Variants in TMCC1 observed in about 807,000 individuals in gnomAD.
The protein encoded by TMCC1 is transmembrane and coiled-coil domains protein 1.
Under a neutral mutation model 52.4 loss-of-function variants are expected in TMCC1, and 15 were observed. That is an observed-to-expected ratio of 0.29 (90% CI 0.19 to 0.44). The LOEUF (loss-of-function observed/expected upper bound fraction) is 0.44. Among genes scored for constraint, TMCC1 ranks in the 20% least tolerant of loss-of-function variants. The pLI is 1.00. For synonymous variants in TMCC1, 279 were observed against 301.9 expected (o/e 0.92, Z 0.79); for missense variants, 503 against 806.0 (o/e 0.62, Z 4.55).
At chr3:129,732,928 T>TC (rs773696456) in intron 4 of TMCC1, among the ~76,000 whole-genome samples, 4 of 152,232 alleles carry the variant, frequency 2.6e-5, no homozygotes, top group Non-Finnish European at 5.9e-5. Flanking sequence ...TGAAGGCTTC[T>TC]CCTAGAGTTC....
rs946191705 is a variant in TMCC1, at chr3:129,879,925, G to A, written c.-184+384C>T. Among the ~76,000 whole-genome samples the A allele has an allele frequency of 3.4e-4, 52 of 152,170 alleles. 2 individuals carry two copies. The highest frequency in any genetic ancestry group is 6.2e-4 in the South Asian group (3 of 4,830). On this transcript the variant is annotated intron_variant, in intron 2 of 6. Transcript: ENST00000393238. Reference sequence around the variant, plus strand: ...ACAGTGGCTCACACCTGTAATCCCAGCACTTTGGGAAGCTGAGGTGGGGGA... The same window carrying A: ...ACAGTGGCTCACACCTGTAATCCCAACACTTTGGGAAGCTGAGGTGGGGGA...
intron 4 of TMCC1, among the ~76,000 whole-genome samples, chr3:129,825,430 A>C (rs2058616045): frequency 6.6e-6 from 1 of 151,902 alleles, no homozygotes; most frequent in Non-Finnish European, 1.5e-5. Flanking sequence ...AGAAGATGAT[A>C]TAGTGAGCTC....
chr3:129,807,017 A>C (rs2057506102), intron 4 of TMCC1, among the ~76,000 whole-genome samples: 2 of 152,190 alleles, frequency 1.3e-5, no homozygotes, highest in Non-Finnish European at 1.5e-5. Flanking sequence ...ATACAGCTAT[A>C]TGTGATAACA....
chr3:129,847,252 G>T (rs2059708343), intron 2 of TMCC1: 1 of 152,164 alleles, frequency 6.6e-6, no homozygotes, highest in Non-Finnish European at 1.5e-5. Flanking sequence ...TTACATTAAA[G>T]TCAGAAATAT....
intron 4 of TMCC1, among the ~76,000 whole-genome samples, chr3:129,820,308 G>C (rs554284557): frequency 4.4e-4 from 67 of 151,680 alleles, no homozygotes; most frequent in African/African-American, 1.4e-3. Flanking sequence ...GTTGTTTGTA[G>C]TGAGAATTCA....
chr3:129,684,688 A>T (rs1249039244), intron 4 of TMCC1, among the ~76,000 whole-genome samples: 1 of 152,238 alleles, frequency 6.6e-6, no homozygotes, highest in African/African-American at 2.4e-5. Flanking sequence ...AATTACAAAT[A>T]AAGTAAAGTA....
intron 1 of TMCC1, among the ~76,000 whole-genome samples, chr3:129,881,629 T>C (rs1247533970): frequency 6.6e-6 from 1 of 152,216 alleles, no homozygotes; most frequent in Non-Finnish European, 1.5e-5. Context: ...ACAAGAAATC[T>C]GTTATATTTT....
intron 4 of TMCC1, among the ~76,000 whole-genome samples, chr3:129,795,250 A>C (rs971572326): frequency 6.6e-6 from 1 of 152,252 alleles, no homozygotes; most frequent in Non-Finnish European, 1.5e-5. Context: ...AATGCAGGTA[A>C]AGAGGTATGA....
intron 4 of TMCC1, among the ~76,000 whole-genome samples, chr3:129,803,455 C>T (rs756426803): frequency 3.9e-5 from 6 of 152,294 alleles, no homozygotes; most frequent in South Asian, 2.1e-4. Flanking sequence ...ATACACTTAA[C>T]ACTACAGCAC....
At chr3:129,707,677 T>C (rs1576523686) in intron 4 of TMCC1, among the ~76,000 whole-genome samples, 1 of 152,206 alleles carries the variant, frequency 6.6e-6, no homozygotes, top group African/African-American at 2.4e-5. Flanking sequence ...CTCACGCCTG[T>C]AATCCCAGCA....
intron 2 of TMCC1, among the ~76,000 whole-genome samples, chr3:129,870,759 C>CAAA (rs61673201): frequency 0.029 from 310 of 10,664 alleles, 30 homozygotes; most frequent in African/African-American, 0.046. Flanking sequence ...GACTCCATCT[C>CAAA]AAAAAAAAAA....
intron 4 of TMCC1, among the ~76,000 whole-genome samples, chr3:129,750,628 G>A (rs1487096382): frequency 6.5e-5 from 9 of 139,408 alleles, no homozygotes; most frequent in Non-Finnish European, 9.1e-5. Flanking sequence ...AGGTTGGAGT[G>A]CAGTGGTGCA....
intron 4 of TMCC1, among the ~76,000 whole-genome samples, chr3:129,820,306 T>C (rs1297414593): frequency 1.3e-5 from 2 of 151,780 alleles, no homozygotes; most frequent in African/African-American, 2.4e-5. Flanking sequence ...CAGTTGTTTG[T>C]AGTGAGAATT....
intron 4 of TMCC1, among the ~76,000 whole-genome samples, chr3:129,732,655 G>C (rs1426770447): frequency 6.6e-6 from 1 of 151,940 alleles, no homozygotes; most frequent in Non-Finnish European, 1.5e-5. Flanking sequence ...TAGTGCCTTT[G>C]TTTGGAAGCA....
At chr3:129,660,471 A>T (rs1330129096) in intron 5 of TMCC1, among the ~76,000 whole-genome samples, 1 of 152,124 alleles carries the variant, frequency 6.6e-6, no homozygotes, top group African/African-American at 2.4e-5. Context: ...TCATTTCTTT[A>T]TGTCCACTTT....
At chr3:129,865,959 T>C (rs892390645) in intron 2 of TMCC1, among the ~76,000 whole-genome samples, 2 of 152,140 alleles carry the variant, frequency 1.3e-5, no homozygotes, top group Non-Finnish European at 2.9e-5. Flanking sequence ...GCAAGCTGAA[T>C]GTGCAGATTT....
intron 2 of TMCC1, chr3:129,847,157 A>T (rs2059704783): frequency 6.6e-6 from 1 of 152,248 alleles, no homozygotes; most frequent in Non-Finnish European, 1.5e-5. Context: ...ACATGTAGTT[A>T]CAGTGCCTTG....
intron 4 of TMCC1, among the ~76,000 whole-genome samples, chr3:129,703,033 G>T (rs2047958811): frequency 6.6e-6 from 1 of 151,990 alleles, no homozygotes; most frequent in African/African-American, 2.4e-5. Flanking sequence ...CAAAATAAAA[G>T]AAAAACCACA....
chr3:129,704,226 G>A (rs1238525416), intron 4 of TMCC1, among the ~76,000 whole-genome samples: 2 of 152,214 alleles, frequency 1.3e-5, no homozygotes, highest in Admixed American at 6.5e-5. Flanking sequence ...TTGAACTGCA[G>A]TAAGGGGAAA....
Sources: allele counts gnomAD v4.1 joint callset (sites outside exome capture counted in the v4.1 genomes callset), GRCh38; gene constraint gnomAD v4.1.1; transcripts MANE v1.5; gene names NCBI Gene and HGNC (gene_info 2026-07-23, HGNC 2026-07-21).